Variants in NKAIN2 observed in about 807,000 individuals in gnomAD.
The protein encoded by NKAIN2 is sodium/potassium transporting ATPase interacting 2, also known as sodium/potassium-transporting ATPase subunit beta-1-interacting protein 2.
In NKAIN2, 14 loss-of-function variants were observed where a neutral mutation model predicts 32.6. The ratio of observed to expected loss-of-function variants is 0.43; its 90% CI spans 0.28 to 0.67. The LOEUF (loss-of-function observed/expected upper bound fraction) is 0.67, where lower values mean the gene tolerates loss of function less well. Ranked by LOEUF, NKAIN2 falls within the 30% of genes least tolerant of loss-of-function variation. The probability of loss-of-function intolerance (pLI) is 0.17; values close to 1 mark genes in which losing one functional copy is unlikely to be tolerated. For missense variants in NKAIN2, 198 were observed against 258.3 expected (o/e 0.77, Z 1.60); for synonymous variants, 80 against 87.2 (o/e 0.92, Z 0.46).
At chr6:124,627,997 A>G (rs1783421711) in intron 3 of NKAIN2, among the ~76,000 whole-genome samples, 1 of 152,170 alleles carries the variant, frequency 6.6e-6, no homozygotes, top group Admixed American at 6.5e-5. Flanking sequence ...ATTCACATAC[A>G]TACACACGTG....
At chr6:124,733,256 A>T (rs954197553) in intron 4 of NKAIN2, among the ~76,000 whole-genome samples, 1 of 151,970 alleles carries the variant, frequency 6.6e-6, no homozygotes, top group Non-Finnish European at 1.5e-5. Context: ...GAAATTATGC[A>T]TTTATAAAAA....
chr6:123,820,861 A>G (rs530772022), intron 1 of NKAIN2, among the ~76,000 whole-genome samples: 33 of 152,344 alleles, frequency 2.2e-4, no homozygotes, highest in African/African-American at 7.7e-4. Context: ...GAAACTTAAA[A>G]TATTACTCTT....
intron 4 of NKAIN2, among the ~76,000 whole-genome samples, chr6:124,718,051 C>T (rs771709242): frequency 9.2e-5 from 14 of 152,084 alleles, no homozygotes; most frequent in Non-Finnish European, 1.0e-4. Flanking sequence ...AGTCATTGCA[C>T]GTTGTCTTTT....
intron 1 of NKAIN2, among the ~76,000 whole-genome samples, chr6:124,139,065 T>A (rs1263400667): frequency 7.0e-6 from 1 of 142,138 alleles, no homozygotes; most frequent in Non-Finnish European, 1.5e-5. Flanking sequence ...CCCCAAAAAC[T>A]TTTTTAAATA....
chr6:124,694,542 T>C (rs1774405284), intron 4 of NKAIN2, among the ~76,000 whole-genome samples: 1 of 152,238 alleles, frequency 6.6e-6, no homozygotes, highest in Non-Finnish European at 1.5e-5. Flanking sequence ...CTAGAAAGCA[T>C]TTCTTCATTC....
chr6:124,302,512 G>GT (rs1362855429), intron 2 of NKAIN2, among the ~76,000 whole-genome samples: 2 of 152,024 alleles, frequency 1.3e-5, no homozygotes, highest in African/African-American at 4.8e-5. Flanking sequence ...AATGGGTAAT[G>GT]TTTTTTAAAT....
intron 1 of NKAIN2, among the ~76,000 whole-genome samples, chr6:124,225,023 A>G (rs1792033286): frequency 6.6e-6 from 1 of 152,072 alleles, no homozygotes. Context: ...GTTAAGATAC[A>G]TATCCTGTAG....
intron 3 of NKAIN2, among the ~76,000 whole-genome samples, chr6:124,448,401 G>C (rs960186926): frequency 6.6e-6 from 1 of 152,138 alleles, no homozygotes; most frequent in South Asian, 2.1e-4. Context: ...AAGACCAAGA[G>C]AGACTTGTCA....
At chr6:124,113,097 T>C (rs1238471490) in intron 1 of NKAIN2, among the ~76,000 whole-genome samples, 1 of 152,132 alleles carries the variant, frequency 6.6e-6, no homozygotes, top group African/African-American at 2.4e-5. Flanking sequence ...CTCTCTCTGT[T>C]GGTATCTGCA....
At chr6:124,770,302 C>T (rs1778693040) in intron 4 of NKAIN2, among the ~76,000 whole-genome samples, 1 of 152,158 alleles carries the variant, frequency 6.6e-6, no homozygotes, top group African/African-American at 2.4e-5. Flanking sequence ...AGGCAGCCTT[C>T]CCCTTGGGAA....
chr6:124,615,668 C>A (rs564451459), intron 3 of NKAIN2, among the ~76,000 whole-genome samples: 2 of 151,206 alleles, frequency 1.3e-5, no homozygotes, highest in East Asian at 3.9e-4. Context: ...GCCATTATTT[C>A]TTCAAATATT....
At chr6:124,217,296 G>C (rs1166420649) in intron 1 of NKAIN2, among the ~76,000 whole-genome samples, 1 of 151,768 alleles carries the variant, frequency 6.6e-6, no homozygotes, top group East Asian at 1.9e-4. Flanking sequence ...TTATAAATCA[G>C]GATTAAATGT....
At chr6:124,628,312 C>T (rs1783434466) in intron 3 of NKAIN2, among the ~76,000 whole-genome samples, 1 of 151,622 alleles carries the variant, frequency 6.6e-6, no homozygotes, top group African/African-American at 2.4e-5. Flanking sequence ...TATATTCTAC[C>T]CTAAGATGTA....
At chr6:124,505,194 T>G (rs1056931750) in intron 3 of NKAIN2, among the ~76,000 whole-genome samples, 1 of 152,134 alleles carries the variant, frequency 6.6e-6, no homozygotes, top group Non-Finnish European at 1.5e-5. Flanking sequence ...AAAACTAAAA[T>G]AAATCCAATC....
intron 2 of NKAIN2, among the ~76,000 whole-genome samples, chr6:124,339,527 C>T (rs1798031264): frequency 6.6e-6 from 1 of 152,088 alleles, no homozygotes; most frequent in South Asian, 2.1e-4. Context: ...CCACATTAGT[C>T]CAGTCTTTAA....
intron 2 of NKAIN2, among the ~76,000 whole-genome samples, chr6:124,338,496 C>T (rs1165887813): frequency 6.6e-6 from 1 of 152,078 alleles, no homozygotes; most frequent in African/African-American, 2.4e-5. Context: ...TCCTTCTTTG[C>T]TTTCAAAGTT....
intron 3 of NKAIN2, among the ~76,000 whole-genome samples, chr6:124,624,312 A>G (rs181941748): frequency 1.3e-5 from 2 of 152,176 alleles, no homozygotes; most frequent in Non-Finnish European, 2.9e-5. Flanking sequence ...TGTCCACTCT[A>G]GAAGAATAAG....
intron 1 of NKAIN2, among the ~76,000 whole-genome samples, chr6:123,955,626 T>TTTTATTTTAC (rs1430203414): frequency 1.3e-5 from 2 of 151,204 alleles, no homozygotes; most frequent in African/African-American, 4.9e-5. Flanking sequence ...TTTTATTTTA[T>TTTTATTTTAC]TTTATTTTAT....
intron 1 of NKAIN2, among the ~76,000 whole-genome samples, chr6:123,892,529 A>G (rs895121710): frequency 2.6e-5 from 4 of 151,790 alleles, no homozygotes; most frequent in African/African-American, 4.8e-5. Flanking sequence ...CCATGATCCA[A>G]TTACCTCCAC....
Sources: allele counts gnomAD v4.1 joint callset (sites outside exome capture counted in the v4.1 genomes callset), GRCh38; gene constraint gnomAD v4.1.1; transcripts MANE v1.5; gene names NCBI Gene and HGNC (gene_info 2026-07-23, HGNC 2026-07-21).